TMEM209: variants seen among roughly 807,000 people sequenced by gnomAD.
TMEM209 encodes the protein testicular tissue protein Li 202.
Under a neutral mutation model 76.2 loss-of-function variants are expected in TMEM209, and 65 were observed. The ratio of observed to expected loss-of-function variants is 0.85; its 90% CI spans 0.70 to 1.05. The LOEUF (loss-of-function observed/expected upper bound fraction) is 1.05, where lower values mean the gene tolerates loss of function less well. TMEM209 is among the 50% of genes least tolerant of loss of function. The pLI, the probability that TMEM209 is intolerant of heterozygous loss-of-function variation, is 0.00. For synonymous variants in TMEM209, 239 were observed against 237.6 expected (o/e 1.01, Z -0.06); for missense variants, 623 against 685.5 (o/e 0.91, Z 1.02).
chr7:130,198,580 C>T (rs1798076071), intron 5 of TMEM209, among the ~76,000 whole-genome samples: 1 of 152,102 alleles, frequency 6.6e-6, no homozygotes, highest in South Asian at 2.1e-4. Flanking sequence ...CACTGCACTC[C>T]AGCCTGGGTG....
chr7:130,198,658 A>G (rs543751966), intron 5 of TMEM209, among the ~76,000 whole-genome samples: 2 of 152,272 alleles, frequency 1.3e-5, no homozygotes, highest in South Asian at 4.1e-4. Flanking sequence ...TAAGGTTAAG[A>G]ATTTACCACT....
chr7:130,169,593 G>C (rs989317030), intron 14 of TMEM209, among the ~76,000 whole-genome samples: 3 of 152,138 alleles, frequency 2.0e-5, no homozygotes, highest in Non-Finnish European at 4.4e-5. Flanking sequence ...GTGCCACATG[G>C]GGCTGGTGGC....
In TMEM209 at chr7:130,184,255, C is replaced by A; in HGVS notation, c.952G>T (p.Val318Phe). The A allele has an allele frequency of 6.3e-7, 1 of 1,595,300 alleles. No homozygotes were observed. The highest frequency in any genetic ancestry group is 1.2e-5 in the South Asian group (1 of 86,936). The stretch of plus-strand genomic sequence containing the variant: ...CTATTCATAGCCACTCTTGCCCAGA[C>A]CTATAAAAATTCATGTTTAAAATGA... ...DLSSKQAAEE[V>F]WARVAMNRQL... is the part of the protein sequence containing the mutation. Residue 318 changes from valine (V) to phenylalanine (F), a missense_variant and splice_region_variant, in exon 8 of 15, where the codon GTC (valine) becomes TTC (phenylalanine). By Grantham distance (50) the Val-to-Phe change is conservative. Transcript: ENST00000397622.
rs1484564450 is a variant in TMEM209 at position 130,165,184 on chromosome 7, C to G, written c.*1267G>C. On this transcript the variant is annotated 3_prime_UTR_variant, in exon 15 of 15. Transcript: ENST00000397622. ...GACAAAACGGGATGCACATCTAACA[C>G]TGATACACGGTTCTTCAGAAAAGAC... 1 of 152,200 alleles carries G rather than the reference C, an allele frequency of 6.6e-6. No individual in the cohort carries two copies. Among genetic ancestry groups the G allele is most frequent in the Non-Finnish European group, 1.5e-5 (1 of 68,024 alleles). 9.4% of individuals were successfully genotyped at this position (152,200 alleles called of 1,614,324 possible). A position where few individuals can be genotyped will look rare whatever the true frequency, so the allele number is the denominator to read the frequency against.
At position 130,192,621 on chromosome 7, in the gene TMEM209, C is replaced by A; in HGVS notation, c.775+1G>T. 1 of 1,612,760 alleles carries A rather than the reference C, an allele frequency of 6.2e-7. No individual in the cohort carries two copies. The highest frequency in any genetic ancestry group is 8.5e-7 in the Non-Finnish European group (1 of 1,179,314). On this transcript the variant is annotated splice_donor_variant, in intron 6 of 14. Coordinates refer to ENST00000397622, the MANE Select transcript of TMEM209 (RefSeq NM_032842.4). LOFTEE classifies it high-confidence loss of function. Reference sequence around the variant, plus strand: ...GTAGATATACAGAAATATATATGTACCCAGCTTAACCCTATGCTGTTTCTC... The same window carrying A: ...GTAGATATACAGAAATATATATGTAACCAGCTTAACCCTATGCTGTTTCTC...
chr7:130,179,993 T>C (rs1475006234), intron 9 of TMEM209, among the ~76,000 whole-genome samples: 1 of 152,118 alleles, frequency 6.6e-6, no homozygotes, highest in Non-Finnish European at 1.5e-5. Flanking sequence ...TCTTAAAATA[T>C]TCACACCTAC....
At chr7:130,174,778 G>C (rs1797180742) in intron 11 of TMEM209, among the ~76,000 whole-genome samples, 1 of 152,066 alleles carries the variant, frequency 6.6e-6, no homozygotes, top group Admixed American at 6.6e-5. Flanking sequence ...CATTACTCAA[G>C]ATCAAAAAAC....
Position 130,173,951 on chromosome 7 carries a change from G to C in TMEM209, c.1345-12C>G. On this transcript the variant is annotated splice_polypyrimidine_tract_variant and intron_variant, in intron 11 of 14. Transcript: ENST00000397622. Reference sequence around the variant, plus strand: ...ACATGCATGATGATCTGAGGATGAAGAAATAATTTTTTTTTAAGTCAGCAT... The same window carrying C: ...ACATGCATGATGATCTGAGGATGAACAAATAATTTTTTTTTAAGTCAGCAT... The C allele has an allele frequency of 2.6e-5, 41 of 1,547,836 alleles. No individual in the cohort carries two copies. The highest frequency in any genetic ancestry group is 1.7e-4 in the Middle Eastern group (1 of 5,932).
At chr7:130,204,523 G>A (rs889218797) in intron 1 of TMEM209, among the ~76,000 whole-genome samples, 13 of 152,258 alleles carry the variant, frequency 8.5e-5, no homozygotes, top group African/African-American at 3.1e-4. Context: ...TGTATTTTTA[G>A]TAGAGACGGG....
At chr7:130,183,108 CTCTG>C (rs1447522234) in intron 8 of TMEM209, among the ~76,000 whole-genome samples, 1 of 152,004 alleles carries the variant, frequency 6.6e-6, no homozygotes, top group African/African-American at 2.4e-5. Context: ...GTAGCTAATA[CTCTG>C]TCTGACTAAG....
chr7:130,189,182 T>C (rs779245067), intron 6 of TMEM209, among the ~76,000 whole-genome samples: 1 of 152,116 alleles, frequency 6.6e-6, no homozygotes, highest in Non-Finnish European at 1.5e-5. Context: ...ATGACAATCA[T>C]ATTGTCATTA....
intron 11 of TMEM209, 181 bp downstream of exon 11, chr7:130,175,331 T>G (rs1797197730): frequency 7.8e-6 from 4 of 511,822 alleles, no homozygotes; most frequent in Non-Finnish European, 1.3e-5. Flanking sequence ...GGTGTGGTGG[T>G]TCAGGCCTAG....
chr7:130,202,694 G>A (rs533331615), intron 3 of TMEM209, 31 bp from the exon 4 acceptor site: 3 of 1,598,578 alleles, frequency 1.9e-6, no homozygotes, highest in East Asian at 2.2e-5. Context: ...TTTAATAAGG[G>A]GGGTGAGGAG....
intron 3 of TMEM209, among the ~76,000 whole-genome samples, chr7:130,203,495 A>G (rs891051755): frequency 1.3e-5 from 2 of 152,224 alleles, no homozygotes; most frequent in Admixed American, 6.5e-5. Context: ...AGGTAGAGAC[A>G]CAGAAAGCGC....
chr7:130,193,460 C>A (rs983288726), intron 5 of TMEM209, among the ~76,000 whole-genome samples: 15 of 151,672 alleles, frequency 9.9e-5, no homozygotes, highest in Non-Finnish European at 1.3e-4. Flanking sequence ...ATCGCTTAAA[C>A]CCCGGGAGGC....
rs1796876693 is a variant in TMEM209, at chr7:130,166,133, A to G, written c.*318T>C. The G allele has an allele frequency of 5.0e-6, 1 of 198,124 alleles. No homozygotes were observed. The highest frequency in any genetic ancestry group is 1.0e-5 in the Non-Finnish European group (1 of 98,766). The allele number at this position is 198,124 out of a possible 1,614,324, so 12.3% of individuals were successfully genotyped here. ...ATTCTCATTTGGGGGTTACAATGAA[A>G]AAAAGACTCAAAATCTATTTCATTA... On this transcript the variant is annotated 3_prime_UTR_variant, in exon 15 of 15. Coordinates refer to ENST00000397622, the MANE Select transcript of TMEM209 (RefSeq NM_032842.4).
In TMEM209 at chr7:130,169,633, A is replaced by G. The variant is rs117397778; in HGVS notation, c.1631+767T>C. Among the ~76,000 whole-genome samples, 97 of 152,292 alleles carry G rather than the reference A, an allele frequency of 6.4e-4. 1 individual carries two copies. In the East Asian group the frequency reaches 0.018, roughly 29 times the overall value. On this transcript the variant is annotated intron_variant, in intron 14 of 14. Transcript: ENST00000397622. ...GTGCTGGATGGCACAGTTCTAGGAC[A>G]CGTATAAACTCTAAATTACAAACAG...
At chr7:130,181,920 A>T in intron 8 of TMEM209, 1 of 459,986 alleles carries the variant, frequency 2.2e-6, no homozygotes, top group Non-Finnish European at 3.9e-6. Context: ...ATGCCACTGG[A>T]GTGTAAATTA....
chr7:130,180,662 C>T (rs990486074), intron 9 of TMEM209, among the ~76,000 whole-genome samples: 1 of 152,080 alleles, frequency 6.6e-6, no homozygotes, highest in African/African-American at 2.4e-5. Flanking sequence ...AGCCACCGCG[C>T]CCGGCCAAAA....
Sources: gnomAD v4.1 joint callset for allele counts (sites outside exome capture counted in the v4.1 genomes callset) on GRCh38, gnomAD v4.1.1 for gene constraint, MANE v1.5 for transcripts, NCBI Gene and HGNC (gene_info 2026-07-23, HGNC 2026-07-21) for gene names.